Variants in SPOCK1 observed in about 807,000 individuals in gnomAD.
The protein encoded by SPOCK1 is testican-1.
In SPOCK1, 23 loss-of-function variants were observed where a neutral mutation model predicts 55.3. The observed-to-expected ratio is 0.42, with a 90% CI of 0.30 to 0.59. SPOCK1 has a LOEUF of 0.59. SPOCK1 is among the 20% of genes least tolerant of loss of function. The probability of loss-of-function intolerance (pLI) is 0.22; values close to 1 mark genes in which losing one functional copy is unlikely to be tolerated. For missense variants in SPOCK1, 499 were observed against 552.5 expected, an observed-to-expected ratio of 0.90 and a Z score of 0.97; for synonymous variants, 226 against 221.0, an observed-to-expected ratio of 1.02 and a Z score of -0.20.
At chr5:137,384,587 T>TATATATATATATATATATATATA (rs1491337279) in intron 2 of SPOCK1, among the ~76,000 whole-genome samples, 1 of 70,832 alleles carries the variant, frequency 1.4e-5, no homozygotes, top group African/African-American at 4.4e-5. Flanking sequence ...TATGTATGTA[T>TATATATATATATATATATATATA]TTTTTTTTCC....
intron 5 of SPOCK1, among the ~76,000 whole-genome samples, chr5:137,072,523 G>T (rs545912877): frequency 1.3e-5 from 2 of 152,306 alleles, no homozygotes; most frequent in South Asian, 4.1e-4. Context: ...TGTGCTAGCA[G>T]ATTTCCCAAC....
intron 3 of SPOCK1, among the ~76,000 whole-genome samples, chr5:137,265,666 G>A (rs114758457): frequency 0.023 from 3,456 of 152,220 alleles, 55 homozygotes; most frequent in Non-Finnish European, 0.028. Flanking sequence ...GAATAATTCC[G>A]TTACCACTCT....
In SPOCK1 at chr5:137,498,296, A is replaced by ACACACACACACACACACACACACT. The variant is rs1165528176; in HGVS notation, c.186+76_186+77insAGTGTGTGTGTGTGTGTGTGTGTG. The ACACACACACACACACACACACACT allele has an allele frequency of 3.7e-6, 5 of 1,365,284 alleles. No individual in the cohort carries two copies. In the African/African-American group the frequency reaches 7.5e-5, roughly 20 times the overall value. The allele number at this position is 1,365,284 out of a possible 1,614,324, so 84.6% of individuals were successfully genotyped here. On this transcript the variant is annotated intron_variant, in intron 2 of 10. Transcript: ENST00000394945. ...CACACACACACACACACACACACAC[A>ACACACACACACACACACACACACT]CACACCCCAACCCCGCTTCAGGGGT...
At chr5:137,046,873 T>C (rs1339253567) in intron 6 of SPOCK1, among the ~76,000 whole-genome samples, 2 of 27,028 alleles carry the variant, frequency 7.4e-5, no homozygotes, top group African/African-American at 1.6e-4. Flanking sequence ...TGTCAAAGGC[T>C]TTTTCTGCAT....
intron 3 of SPOCK1, among the ~76,000 whole-genome samples, chr5:137,218,091 T>C (rs7712873): frequency 0.043 from 6,547 of 152,264 alleles, 487 homozygotes; most frequent in African/African-American, 0.15. Flanking sequence ...CCCACTGACT[T>C]GTGACCACAA....
chr5:137,048,098 G>GA (rs1453962444), intron 6 of SPOCK1, among the ~76,000 whole-genome samples: 2 of 37,080 alleles, frequency 5.4e-5, no homozygotes, highest in African/African-American at 2.2e-4. Context: ...GTGTGGTGCT[G>GA]AAAAAAATGT....
intron 3 of SPOCK1, among the ~76,000 whole-genome samples, chr5:137,232,014 T>C (rs1332372516): frequency 6.6e-6 from 1 of 152,254 alleles, no homozygotes; most frequent in African/African-American, 2.4e-5. Context: ...CCTTGGTGAA[T>C]GTCTCTTCAT....
chr5:137,144,186 C>A (rs1445448858), intron 3 of SPOCK1, among the ~76,000 whole-genome samples: 3 of 152,222 alleles, frequency 2.0e-5, no homozygotes, highest in African/African-American at 4.8e-5. Flanking sequence ...CAGCCTACCC[C>A]CTCTGAATGC....
At chr5:137,050,818 A>T (rs1212451568) in intron 6 of SPOCK1, among the ~76,000 whole-genome samples, 1 of 152,186 alleles carries the variant, frequency 6.6e-6, no homozygotes, top group Non-Finnish European at 1.5e-5. Flanking sequence ...CAAAAATGGA[A>T]AACAGATTTC....
chr5:137,031,732 C>T (rs1355662892), intron 6 of SPOCK1, among the ~76,000 whole-genome samples: 1 of 152,054 alleles, frequency 6.6e-6, no homozygotes, highest in African/African-American at 2.4e-5. Context: ...ACGGTAGACA[C>T]CATCCAGGGA....
chr5:137,061,529 T>C (rs1225261643), intron 6 of SPOCK1, among the ~76,000 whole-genome samples: 1 of 152,172 alleles, frequency 6.6e-6, no homozygotes, highest in Non-Finnish European at 1.5e-5. Context: ...TTGGAAAAAC[T>C]TGCAGTTCTC....
chr5:137,088,043 C>T (rs2881847), intron 5 of SPOCK1, among the ~76,000 whole-genome samples: 2 of 151,724 alleles, frequency 1.3e-5, no homozygotes, highest in Non-Finnish European at 2.9e-5. Flanking sequence ...TAGACAATAA[C>T]CCAGCTTGTC....
intron 9 of SPOCK1, among the ~76,000 whole-genome samples, chr5:136,979,989 T>G (rs750595645): frequency 1.3e-4 from 20 of 152,242 alleles, no homozygotes; most frequent in Admixed American, 2.0e-4. Context: ...CACTTGGTTC[T>G]GACTAGTAAC....
intron 4 of SPOCK1, 125 bp from the exon 5 acceptor site, chr5:137,112,686 G>C (rs561717812): frequency 8.2e-7 from 1 of 1,224,126 alleles, no homozygotes; most frequent in Non-Finnish European, 1.1e-6. Flanking sequence ...GGGATCCTGA[G>C]GGCCTTAGCC....
chr5:137,219,609 A>G (rs1322829193), intron 3 of SPOCK1, among the ~76,000 whole-genome samples: 1 of 152,248 alleles, frequency 6.6e-6, no homozygotes, highest in African/African-American at 2.4e-5. Context: ...GTCAAATTTC[A>G]TGAGAAAGTA....
intron 5 of SPOCK1, among the ~76,000 whole-genome samples, chr5:137,103,150 C>T (rs1054172118): frequency 6.6e-6 from 1 of 152,100 alleles, no homozygotes; most frequent in Non-Finnish European, 1.5e-5. Flanking sequence ...ACCACCACGC[C>T]CGGCTGACTT....
chr5:137,456,237 T>A (rs1753366369), intron 2 of SPOCK1, among the ~76,000 whole-genome samples: 1 of 152,190 alleles, frequency 6.6e-6, no homozygotes, highest in Admixed American at 6.5e-5. Context: ...GCTTCTCCTA[T>A]TTCTCAGGAG....
At chr5:137,155,843 T>C (rs1754405947) in intron 3 of SPOCK1, among the ~76,000 whole-genome samples, 2 of 152,204 alleles carry the variant, frequency 1.3e-5, no homozygotes, top group African/African-American at 4.8e-5. Context: ...CAAGAGGCCC[T>C]TGATGCCTGT....
chr5:137,067,858 A>G, intron 5 of SPOCK1, 29 bp from the exon 6 acceptor site: 1 of 1,589,530 alleles, frequency 6.3e-7, no homozygotes, highest in Admixed American at 1.7e-5. Context: ...ACAGGTCTTA[A>G]GAATGCAGCC....
Sources: allele counts gnomAD v4.1 joint callset (sites outside exome capture counted in the v4.1 genomes callset), GRCh38; gene constraint gnomAD v4.1.1; transcripts MANE v1.5; gene names NCBI Gene and HGNC (gene_info 2026-07-23, HGNC 2026-07-21).